The following SLC4A4 variants were observed in gnomAD, a reference collection of about 807,000 sequenced individuals.
The protein encoded by SLC4A4 is solute carrier family 4 member 4.
In SLC4A4, 27 loss-of-function variants were observed where a neutral mutation model predicts 111.5. The ratio of observed to expected loss-of-function variants is 0.24; its 90% confidence interval spans 0.18 to 0.33. The LOEUF (loss-of-function observed/expected upper bound fraction) is 0.33, where lower values mean the gene tolerates loss of function less well. Ranked by LOEUF, SLC4A4 falls within the 10% of genes least tolerant of loss-of-function variation. The probability of loss-of-function intolerance (pLI) is 1.00; values close to 1 mark genes in which losing one functional copy is unlikely to be tolerated. For missense variants in SLC4A4, 909 were observed against 1,315.5 expected, an observed-to-expected ratio of 0.69 and a Z score of 4.78; for synonymous variants, 443 against 463.4, an observed-to-expected ratio of 0.96 and a Z score of 0.57.
chr4:71,191,169 G>T (rs1745716652), intron 1 of SLC4A4, among the ~76,000 whole-genome samples: 1 of 152,204 alleles, frequency 6.6e-6, no homozygotes, highest in Non-Finnish European at 1.5e-5. Context: ...GGTAGGTTAG[G>T]TGTATTAGAC....
chr4:71,164,277 A>C (rs1159332647), intron 2 of SLC4A4, among the ~76,000 whole-genome samples: 2 of 151,768 alleles, frequency 1.3e-5, no homozygotes, highest in Non-Finnish European at 2.9e-5. Flanking sequence ...GCTACTCAAG[A>C]GAGTGAGACA....
chr4:71,160,936 T>A (rs1390039823), intron 2 of SLC4A4, among the ~76,000 whole-genome samples: 1 of 152,210 alleles, frequency 6.6e-6, no homozygotes, highest in African/African-American at 2.4e-5. Context: ...GAGAAGTAGG[T>A]TACCTTCAAT....
chr4:71,275,271 A>G (rs1221690894), intron 3 of SLC4A4, among the ~76,000 whole-genome samples: 11 of 152,228 alleles, frequency 7.2e-5, no homozygotes, highest in Non-Finnish European at 8.8e-5. Flanking sequence ...AATAGGGAAG[A>G]TAAGTCTAAA....
intron 2 of SLC4A4, among the ~76,000 whole-genome samples, chr4:71,114,760 T>A (rs1331681496): frequency 1.5e-5 from 2 of 132,258 alleles, no homozygotes; most frequent in African/African-American, 6.1e-5. Flanking sequence ...AGTTCAACCA[T>A]TGTGGAAGTC....
intron 16 of SLC4A4, among the ~76,000 whole-genome samples, chr4:71,508,458 A>G (rs1313422406): frequency 1.3e-5 from 2 of 152,082 alleles, no homozygotes; most frequent in African/African-American, 2.4e-5. Context: ...ATTATCCCTT[A>G]ATAGTGTTTA....
At chr4:71,476,578 A>G (rs1208503736) in intron 14 of SLC4A4, among the ~76,000 whole-genome samples, 3 of 151,660 alleles carry the variant, frequency 2.0e-5, no homozygotes, top group African/African-American at 7.3e-5. Context: ...GCCACAATAT[A>G]TTGTGGCTTT....
chr4:71,168,050 A>G (rs1370573040), intron 2 of SLC4A4, among the ~76,000 whole-genome samples: 2 of 151,910 alleles, frequency 1.3e-5, no homozygotes, highest in Admixed American at 1.3e-4. Flanking sequence ...TAGTAGGTGT[A>G]TATATTTATA....
chr4:71,334,915 T>C (rs1728313152), intron 3 of SLC4A4, among the ~76,000 whole-genome samples: 7 of 152,180 alleles, frequency 4.6e-5, no homozygotes, highest in Admixed American at 4.6e-4. Context: ...ACCAATTTAT[T>C]TTTTTCTGTT....
chr4:71,210,371 G>A (rs1045447792), intron 1 of SLC4A4, among the ~76,000 whole-genome samples: 1 of 152,192 alleles, frequency 6.6e-6, no homozygotes, highest in African/African-American at 2.4e-5. Context: ...AAAACATGAT[G>A]ACTTAAACAT....
chr4:71,301,000 G>A, intron 3 of SLC4A4: 1 of 453,996 alleles, frequency 2.2e-6, no homozygotes, highest in South Asian at 1.7e-5. Context: ...CAGAGTGGGG[G>A]CCCCCTACAG....
At chr4:71,180,140 C>T (rs952035688) in intron 2 of SLC4A4, among the ~76,000 whole-genome samples, 1 of 152,192 alleles carries the variant, frequency 6.6e-6, no homozygotes, top group African/African-American at 2.4e-5. Context: ...GGAAAACTGG[C>T]TAGCCATATG....
intron 2 of SLC4A4, among the ~76,000 whole-genome samples, chr4:71,093,011 C>T (rs1742429816): frequency 6.6e-6 from 1 of 150,448 alleles, no homozygotes; most frequent in Non-Finnish European, 1.5e-5. Context: ...AGGAGAATCA[C>T]TTGAACTCAG....
At chr4:71,393,031 G>C (rs372538955) in intron 6 of SLC4A4, among the ~76,000 whole-genome samples, 1 of 151,984 alleles carries the variant, frequency 6.6e-6, no homozygotes, top group African/African-American at 2.4e-5. Context: ...TGTAATAAAA[G>C]CCATCTATGA....
intron 16 of SLC4A4, among the ~76,000 whole-genome samples, chr4:71,512,933 G>C (rs1199229730): frequency 6.6e-6 from 1 of 152,126 alleles, no homozygotes; most frequent in South Asian, 2.1e-4. Context: ...TTGAGGATCA[G>C]TTAGCTGTAA....
chr4:71,259,989 G>C lies in SLC4A4; in HGVS notation c.253+4590G>C, dbSNP rs947247302. Among the ~76,000 whole-genome samples, 7 of 152,184 alleles carry C rather than the reference G, an allele frequency of 4.6e-5. No homozygotes were observed. In the East Asian group the frequency reaches 1.3e-3, roughly 29 times the overall value. ...TGCCTCTCACACACAGGTCTTGCCC[G>C]TTGTGGAATCATAGCGCTAGGTATG... is the stretch of plus-strand genomic sequence containing the variant. On this transcript the variant is annotated intron_variant, in intron 3 of 25. Coordinates refer to ENST00000264485, the MANE Select transcript of SLC4A4 (RefSeq NM_001098484.3).
At chr4:71,417,945 C>T (rs1221581900) in intron 7 of SLC4A4, among the ~76,000 whole-genome samples, 2 of 152,162 alleles carry the variant, frequency 1.3e-5, no homozygotes, top group Non-Finnish European at 2.9e-5. Context: ...TAATTTCCCT[C>T]ATCTGTAAAA....
chr4:71,477,684 C>G (rs1160384804), intron 14 of SLC4A4, among the ~76,000 whole-genome samples: 1 of 151,700 alleles, frequency 6.6e-6, no homozygotes, highest in Non-Finnish European at 1.5e-5. Context: ...TTAATTTATT[C>G]AAAAGCATAA....
In SLC4A4 at chr4:71,190,974, A is replaced by G. The variant is rs1252321885; in HGVS notation, c.-2+3573A>G. ...AAAGCATTCACATTCAGTAGGATCT[A>G]TACTTCGAGTACTGGTAACAACATT... On this transcript the variant is annotated intron_variant, in intron 1 of 25. Coordinates refer to ENST00000264485, the MANE Select transcript of SLC4A4 (RefSeq NM_001098484.3). 2.6e-5 allele frequency among the ~76,000 whole-genome samples: 4 copies of G among 152,250 alleles called. No homozygotes were observed. The East Asian group carries it at 5.8e-4, about 22-fold the overall frequency.
At chr4:71,131,854 A>T (rs966652413) in intron 2 of SLC4A4, among the ~76,000 whole-genome samples, 4 of 152,068 alleles carry the variant, frequency 2.6e-5, no homozygotes, top group African/African-American at 9.7e-5. Flanking sequence ...ACCCTGTGCC[A>T]CCCACATTTT....
Sources: gnomAD v4.1 joint callset for allele counts (sites outside exome capture counted in the v4.1 genomes callset) on GRCh38, gnomAD v4.1.1 for gene constraint, MANE v1.5 for transcripts, NCBI Gene and HGNC (gene_info 2026-07-23, HGNC 2026-07-21) for gene names.